The following SNX18 variants were observed in gnomAD, a reference collection of about 807,000 sequenced individuals.
The protein encoded by SNX18 is sorting nexin-18.
SNX18 carries 35 observed loss-of-function variants against 48.7 expected under a neutral mutation model. That is an observed-to-expected ratio of 0.72 (90% confidence interval 0.55 to 0.95). The LOEUF is 0.95. Ranked by LOEUF, SNX18 falls within the 40% of genes least tolerant of loss-of-function variation. SNX18 has a pLI of 0.00. For missense variants in SNX18, 824 were observed against 871.0 expected (o/e 0.95, Z 0.68); for synonymous variants, 492 against 384.7 (o/e 1.28, Z -3.26).
At chr5:54,646,408 C>T in the SNX18 span, among the ~76,000 whole-genome samples, 1 of 152,262 alleles carries the variant, frequency 6.6e-6, no homozygotes, top group Admixed American at 6.5e-5. Context: ...GCCCCGTGTT[C>T]GTGGTCTGTC....
intron 1 of SNX18, among the ~76,000 whole-genome samples, chr5:54,540,076 T>C (rs1762435178): frequency 6.6e-6 from 1 of 152,112 alleles, no homozygotes; most frequent in East Asian, 1.9e-4. Flanking sequence ...CTCTAGTATG[T>C]ATGCTTAGGA....
At chr5:54,519,720 C>T in intron 1 of SNX18, 147 bp downstream of exon 1, 1 of 1,614,142 alleles carries the variant, frequency 6.2e-7, no homozygotes, top group African/African-American at 1.3e-5. Flanking sequence ...GGTCTTTTCC[C>T]TAGAGTGTAA....
At chr5:54,612,826 A>G in the SNX18 span, among the ~76,000 whole-genome samples, 3 of 152,202 alleles carry the variant, frequency 2.0e-5, no homozygotes, top group Admixed American at 6.5e-5. Context: ...GCAATCTGTC[A>G]TGTTTCTCAG....
the SNX18 span, among the ~76,000 whole-genome samples, chr5:54,627,879 T>C: frequency 1.3e-5 from 2 of 152,306 alleles, no homozygotes; most frequent in African/African-American, 2.4e-5. Context: ...TAAACACCCA[T>C]TGGCTATTTG....
rs1487881822 is a variant in SNX18 at position 54,518,266 on chromosome 5, A to G, written c.314A>G (p.Gln105Arg). The part of the protein sequence containing the change: ...ASFKPPPDAF[Q>R]ALLQPQQAPP... Reference sequence around the variant, plus strand: ...TTCAAGCCGCCGCCTGACGCCTTCCAGGCGCTGCTGCAGCCACAGCAGGCG... The same window carrying G: ...TTCAAGCCGCCGCCTGACGCCTTCCGGGCGCTGCTGCAGCCACAGCAGGCG... The change falls in exon 1 of 2, where the codon CAG becomes CGG. Residue 105 changes from glutamine (Q) to arginine (R), a missense_variant. By Grantham distance (43) the Gln-to-Arg change is conservative. Coordinates refer to ENST00000381410, the MANE Select transcript of SNX18 (RefSeq NM_001102575.2). 2.7e-6 allele frequency: 4 copies of G among 1,475,678 alleles called. No homozygotes were observed. Among genetic ancestry groups the G allele is most frequent in the Non-Finnish European group, 3.6e-6 (4 of 1,119,222 alleles). The allele number at this position is 1,475,678 out of a possible 1,614,324, so 91.4% of individuals were successfully genotyped here. A position where few individuals can be genotyped will look rare whatever the true frequency, so the allele number is the denominator to read the frequency against.
intron 1 of SNX18, among the ~76,000 whole-genome samples, chr5:54,528,139 TACAC>T (rs10554517): frequency 0.074 from 11,067 of 149,962 alleles, 500 homozygotes; most frequent in Middle Eastern, 0.14. Flanking sequence ...TACACGCACA[TACAC>T]ACACACACAC....
chr5:54,644,870 C>A, the SNX18 span: 4 of 152,260 alleles, frequency 2.6e-5, no homozygotes, highest in African/African-American at 9.6e-5. Flanking sequence ...GACTGCTAAT[C>A]TCTGGACTTA....
chr5:54,578,490 G>A, the SNX18 span, among the ~76,000 whole-genome samples: 10 of 152,294 alleles, frequency 6.6e-5, no homozygotes, highest in East Asian at 1.5e-3. Flanking sequence ...AGCCCATGAC[G>A]AGTCCAGCTA....
Position 54,518,523 on chromosome 5 carries a change from G to C in SNX18, c.571G>C (p.Gly191Arg). ...GSSSAGVGAA[G>R]RYRLSTRSDL... is the part of the protein sequence containing the mutation. Reference sequence around the variant, plus strand: ...GTCTTCGGCGGGTGTGGGCGCAGCCGGCCGCTACCGCCTGTCCACGCGCTC... The same window carrying C: ...GTCTTCGGCGGGTGTGGGCGCAGCCCGCCGCTACCGCCTGTCCACGCGCTC... Residue 191 changes from glycine (G) to arginine (R), a missense_variant, in exon 1 of 2, where the codon GGC becomes CGC. By Grantham distance (125) the Gly-to-Arg change is moderately radical (BLOSUM62 -2). Transcript: ENST00000381410. 1.3e-6 allele frequency: 2 copies of C among 1,558,170 alleles called. No homozygotes were observed. Among genetic ancestry groups the C allele is most frequent in the Non-Finnish European group, 1.7e-6 (2 of 1,152,794 alleles).
the SNX18 span, among the ~76,000 whole-genome samples, chr5:54,629,906 C>A: frequency 6.6e-6 from 1 of 151,996 alleles, no homozygotes; most frequent in Non-Finnish European, 1.5e-5. Context: ...ATCAATCCAC[C>A]CTTGCATTAT....
chr5:54,614,157 C>A, the SNX18 span, among the ~76,000 whole-genome samples: 2 of 152,192 alleles, frequency 1.3e-5, no homozygotes, highest in Non-Finnish European at 2.9e-5. Flanking sequence ...TAACGGAAAG[C>A]AGTCCTGCCA....
chr5:54,564,976 TG>T, the SNX18 span, among the ~76,000 whole-genome samples: 5 of 152,256 alleles, frequency 3.3e-5, no homozygotes, highest in African/African-American at 1.2e-4. Flanking sequence ...TTCTTGAGGC[TG>T]CTCATGTCCC....
At chr5:54,640,282 C>T in the SNX18 span, among the ~76,000 whole-genome samples, 5 of 151,686 alleles carry the variant, frequency 3.3e-5, no homozygotes, top group Non-Finnish European at 5.9e-5. Flanking sequence ...AGCTCTATCT[C>T]GGCTCACTGC....
intron 1 of SNX18, among the ~76,000 whole-genome samples, chr5:54,533,200 T>C: frequency 6.6e-6 from 1 of 152,338 alleles, no homozygotes; most frequent in East Asian, 1.9e-4. Context: ...TTATTATATT[T>C]ATGAATTAAA....
the SNX18 span, among the ~76,000 whole-genome samples, chr5:54,625,276 G>A: frequency 8.8e-4 from 134 of 152,236 alleles, no homozygotes; most frequent in Non-Finnish European, 1.8e-3. Context: ...AGAATTCTGC[G>A]GGTCCGGCCT....
At chr5:54,592,840 A>G in the SNX18 span, among the ~76,000 whole-genome samples, 1 of 152,196 alleles carries the variant, frequency 6.6e-6, no homozygotes, top group African/African-American at 2.4e-5. Context: ...TCACTCTGTC[A>G]TCTAGGCTGG....
chr5:54,589,764 A>C, the SNX18 span, among the ~76,000 whole-genome samples: 1 of 152,174 alleles, frequency 6.6e-6, no homozygotes, highest in Non-Finnish European at 1.5e-5. Flanking sequence ...TGGATTCTGC[A>C]AAACTAGAGG....
At chr5:54,611,133 C>G in the SNX18 span, among the ~76,000 whole-genome samples, 2 of 152,166 alleles carry the variant, frequency 1.3e-5, no homozygotes. Context: ...AGGTGCTGAG[C>G]TTGACCTGCT....
At chr5:54,623,819 C>G in the SNX18 span, among the ~76,000 whole-genome samples, 1 of 152,132 alleles carries the variant, frequency 6.6e-6, no homozygotes, top group African/African-American at 2.4e-5. Context: ...AAAGACAAGC[C>G]TCTTACTGAA....
Sources: gnomAD v4.1 joint callset for allele counts (sites outside exome capture counted in the v4.1 genomes callset) on GRCh38, gnomAD v4.1.1 for gene constraint, MANE v1.5 for transcripts, NCBI Gene and HGNC (gene_info 2026-07-23, HGNC 2026-07-21) for gene names.